Variants in GPC3 observed in about 807,000 individuals in gnomAD.
GPC3 encodes the protein glypican-3.
GPC3 carries 3 observed loss-of-function variants against 34.4 expected under a neutral mutation model. That is an observed-to-expected ratio of 0.09 (90% CI 0.04 to 0.23). The LOEUF (loss-of-function observed/expected upper bound fraction) is 0.23. Among genes scored for constraint, GPC3 ranks in the 10% least tolerant of loss-of-function variants. The probability of loss-of-function intolerance (pLI) is 1.00; values close to 1 mark genes in which losing one functional copy is unlikely to be tolerated. For missense variants in GPC3, 351 were observed against 445.6 expected, an observed-to-expected ratio of 0.79 and a Z score of 1.91; for synonymous variants, 177 against 174.0, an observed-to-expected ratio of 1.02 and a Z score of -0.13.
intron 2 of GPC3, among the ~76,000 whole-genome samples, chrX:133,795,464 G>A (rs188427717): frequency 1.8e-5 from 2 of 111,509 alleles, no homozygotes; most frequent in Non-Finnish European, 1.9e-5. Flanking sequence ...GCCTGGTCAA[G>A]GTGGGGCGAG....
At chrX:133,836,521 G>A (rs1414378463) in intron 2 of GPC3, among the ~76,000 whole-genome samples, 3 of 111,644 alleles carry the variant, frequency 2.7e-5, no homozygotes, top group Non-Finnish European at 5.6e-5. Context: ...TCAAAGCTTT[G>A]AACCGCTGAA....
chrX:133,643,831 G>GTTTTTTTTTT lies in GPC3; in HGVS notation c.1413+17889_1413+17898dup, dbSNP rs778326133. 6.2e-3 allele frequency among the ~76,000 whole-genome samples: 597 copies of GTTTTTTTTTT among 96,889 alleles called. 14 individuals are homozygous for GTTTTTTTTTT. The highest frequency in any genetic ancestry group is 0.022 in the African/African-American group (544 of 24,966). 84.1% of individuals were successfully genotyped at this position (96,889 alleles called of 115,157 possible). On this transcript the variant is annotated intron_variant, in intron 6 of 7. Coordinates refer to ENST00000370818, the MANE Select transcript of GPC3 (RefSeq NM_004484.4). ...ACATTTGGATTGCTTTTGTTTTTATGTTTTTTTTTTTTTTGAGACGGGGTT... is the reference window on the plus strand; with the variant it reads ...ACATTTGGATTGCTTTTGTTTTTATGTTTTTTTTTTTTTTTTTTTTTTTTGAGACGGGGTT...
At chrX:133,718,760 G>A (rs1225583039) in intron 3 of GPC3, among the ~76,000 whole-genome samples, 1 of 111,274 alleles carries the variant, frequency 9.0e-6, no homozygotes, top group Non-Finnish European at 1.9e-5. Flanking sequence ...GATAGAAAAA[G>A]ATATACCAAC....
chrX:133,778,387 A>G (rs1445083909), intron 2 of GPC3, among the ~76,000 whole-genome samples: 1 of 112,112 alleles, frequency 8.9e-6, no homozygotes, highest in Non-Finnish European at 1.9e-5. Context: ...TTTATAGTTG[A>G]GTTGTTACTT....
intron 2 of GPC3, among the ~76,000 whole-genome samples, chrX:133,896,946 G>A (rs1471282368): frequency 4.2e-5 from 4 of 94,588 alleles, no homozygotes; most frequent in Non-Finnish European, 8.2e-5. Flanking sequence ...TCGCTCTGTC[G>A]CCCAGGCTGG....
chrX:133,803,167 C>T (rs770616932), intron 2 of GPC3, among the ~76,000 whole-genome samples: 9 of 111,574 alleles, frequency 8.1e-5, no homozygotes, highest in Admixed American at 7.6e-4. Flanking sequence ...CCTCGTGATC[C>T]GCCCACCCTG....
intron 6 of GPC3, among the ~76,000 whole-genome samples, chrX:133,619,202 T>C (rs2070202275): frequency 8.9e-6 from 1 of 112,428 alleles, no homozygotes; most frequent in Non-Finnish European, 1.9e-5. Context: ...TGTTAGGATA[T>C]GGAGAAAACA....
rs781056013 is a variant in GPC3, at chrX:133,875,601, T to C, written c.337+77449A>G. ...TATCTACTTACAATGGATATCCCAG[T>C]CTCTCATATTCTTTTATCAATAGCC... is the stretch of plus-strand genomic sequence containing the variant. On this transcript the variant is annotated intron_variant, in intron 2 of 7. Transcript: ENST00000370818. 4.5e-5 allele frequency among the ~76,000 whole-genome samples: 5 copies of C among 111,290 alleles called. No individual in the cohort carries two copies. The South Asian group carries it at 1.9e-3, about 43-fold the overall frequency.
intron 3 of GPC3, among the ~76,000 whole-genome samples, chrX:133,719,122 T>C (rs984503012): frequency 1.8e-5 from 2 of 111,146 alleles, no homozygotes; most frequent in Non-Finnish European, 3.8e-5. Context: ...GAACACTCCA[T>C]ACAACAGTGG....
chrX:133,741,544 T>C (rs924389280), intron 3 of GPC3, among the ~76,000 whole-genome samples: 1 of 111,991 alleles, frequency 8.9e-6, no homozygotes, highest in East Asian at 2.8e-4. Context: ...GCCCATATAT[T>C]CTAAGACTGG....
At chrX:133,605,394 T>C (rs1268447083) in intron 6 of GPC3, among the ~76,000 whole-genome samples, 6 of 111,961 alleles carry the variant, frequency 5.4e-5, no homozygotes, top group Non-Finnish European at 7.5e-5. Context: ...CATTCACCTT[T>C]CATATAGTTC....
At chrX:133,703,925 T>C (rs1171041179) in intron 3 of GPC3, among the ~76,000 whole-genome samples, 1 of 112,495 alleles carries the variant, frequency 8.9e-6, no homozygotes, top group Admixed American at 9.4e-5. Flanking sequence ...AGAAGAATTG[T>C]CTTGGGCCAC....
chrX:133,925,262 G>T (rs749080400), intron 2 of GPC3, among the ~76,000 whole-genome samples: 28 of 109,989 alleles, frequency 2.5e-4, no homozygotes, highest in Non-Finnish European at 4.9e-4. Flanking sequence ...GGGGTACTGG[G>T]CTGAAAACCA....
chrX:133,860,976 C>T (rs866235271), intron 2 of GPC3, among the ~76,000 whole-genome samples: 4 of 110,707 alleles, frequency 3.6e-5, no homozygotes, highest in Admixed American at 9.6e-5. Flanking sequence ...GTGATATGTG[C>T]CTGTAGTTCC....
chrX:133,669,633 G>C (rs933723544), intron 5 of GPC3, among the ~76,000 whole-genome samples: 1 of 111,791 alleles, frequency 8.9e-6, no homozygotes. Context: ...GTAACAATGG[G>C]TTAGCTACTT....
chrX:133,923,014 A>G (rs957915057), intron 2 of GPC3, among the ~76,000 whole-genome samples: 1 of 111,174 alleles, frequency 9.0e-6, no homozygotes, highest in Non-Finnish European at 1.9e-5. Context: ...AGGCAGAGCC[A>G]GGATTTGAAC....
At chrX:133,567,744 T>G (rs751775649) in intron 7 of GPC3, among the ~76,000 whole-genome samples, 2 of 111,988 alleles carry the variant, frequency 1.8e-5, no homozygotes, top group East Asian at 2.8e-4. Context: ...AAAAAGAGAA[T>G]GGAGAGAGGC....
chrX:133,826,585 T>C (rs1454022638), intron 2 of GPC3, among the ~76,000 whole-genome samples: 1 of 110,854 alleles, frequency 9.0e-6, no homozygotes, highest in Admixed American at 9.6e-5. Context: ...ATAATTGTTG[T>C]CCCAGAAGAA....
At chrX:133,661,593 T>C (rs1603215414) in intron 6 of GPC3, 137 bp downstream of exon 6, 25 of 20,866 alleles carry the variant, frequency 1.2e-3, no homozygotes, top group African/African-American at 7.2e-3. Context: ...TCTCTCTCTC[T>C]CTCTCTCTCT....
Sources: gnomAD v4.1 joint callset for allele counts (sites outside exome capture counted in the v4.1 genomes callset) on GRCh38, gnomAD v4.1.1 for gene constraint, MANE v1.5 for transcripts, NCBI Gene and HGNC (gene_info 2026-07-23, HGNC 2026-07-21) for gene names.